The following SLC35F5 variants were observed in gnomAD, a reference collection of about 807,000 sequenced individuals.
SLC35F5 encodes HCV NS5A-transactivated protein 3.
A neutral mutation model predicts 68.6 loss-of-function variants in SLC35F5; 54 were observed. That is an observed-to-expected ratio of 0.79 (90% confidence interval 0.63 to 0.99). The LOEUF (loss-of-function observed/expected upper bound fraction) is 0.99. SLC35F5 is among the 50% of genes least tolerant of loss of function. The probability of loss-of-function intolerance (pLI) is 0.00; values close to 1 mark genes in which losing one functional copy is unlikely to be tolerated. For synonymous variants in SLC35F5, 211 were observed against 205.2 expected (o/e 1.03, Z -0.24); for missense variants, 567 against 626.9 (o/e 0.90, Z 1.02).
chr2:113,739,228 T>C (rs1370670205), intron 7 of SLC35F5, among the ~76,000 whole-genome samples: 3 of 151,204 alleles, frequency 2.0e-5, no homozygotes, highest in Admixed American at 6.6e-5. Context: ...GGCATAGCAT[T>C]TGGATACAAC....
At chr2:113,742,360 A>G (rs192679553) in intron 7 of SLC35F5, 1 of 385,272 alleles carries the variant, frequency 2.6e-6, no homozygotes, top group East Asian at 4.1e-5. Context: ...GTATATACAT[A>G]TATCACAGTG....
intron 11 of SLC35F5, among the ~76,000 whole-genome samples, chr2:113,728,836 G>A (rs932684549): frequency 4.6e-5 from 7 of 152,176 alleles, no homozygotes; most frequent in Non-Finnish European, 7.3e-5. Context: ...CTGATGTCAG[G>A]CAAAGGAAAA....
At chr2:113,738,616 G>C (rs1322391901) in intron 7 of SLC35F5, among the ~76,000 whole-genome samples, 1 of 150,492 alleles carries the variant, frequency 6.6e-6, no homozygotes, top group Admixed American at 6.6e-5. Context: ...TGTAGTAAGA[G>C]ATATTCTTGA....
chr2:113,725,582 T>A, intron 11 of SLC35F5, 45 bp from the exon 12 acceptor site: 1 of 1,491,282 alleles, frequency 6.7e-7, no homozygotes, highest in Non-Finnish European at 9.0e-7. Flanking sequence ...GATTTATTTC[T>A]ATTTTCCAAG....
chr2:113,730,862 A>T (rs1424970112), intron 10 of SLC35F5, among the ~76,000 whole-genome samples: 7 of 152,232 alleles, frequency 4.6e-5, no homozygotes, highest in Non-Finnish European at 8.8e-5. Context: ...TGAAGATATG[A>T]CAGCAACAGG....
intron 3 of SLC35F5, 48 bp downstream of exon 3, chr2:113,755,117 A>T: frequency 1.3e-6 from 2 of 1,589,114 alleles, no homozygotes; most frequent in Non-Finnish European, 1.7e-6. Flanking sequence ...GTTAAGAGTT[A>T]ACATTGTGGC....
At chr2:113,733,098 T>A (rs557192294) in intron 9 of SLC35F5, among the ~76,000 whole-genome samples, 1 of 152,182 alleles carries the variant, frequency 6.6e-6, no homozygotes, top group East Asian at 1.9e-4. Flanking sequence ...TAAGAACATA[T>A]ACTTACTCAA....
At chr2:113,735,631 T>A in intron 8 of SLC35F5, 146 bp downstream of exon 8, 1 of 520,080 alleles carries the variant, frequency 1.9e-6, no homozygotes, top group East Asian at 3.3e-5. Flanking sequence ...TGTATACAGA[T>A]TAAAAGGCAG....
At chr2:113,741,090 A>T (rs1380164889) in intron 7 of SLC35F5, among the ~76,000 whole-genome samples, 2 of 152,272 alleles carry the variant, frequency 1.3e-5, no homozygotes, top group Non-Finnish European at 2.9e-5. Context: ...ATGAAATATT[A>T]TTCTGCCTTC....
At chr2:113,729,125 A>T (rs1687783149) in intron 11 of SLC35F5, among the ~76,000 whole-genome samples, 2 of 152,226 alleles carry the variant, frequency 1.3e-5, no homozygotes, top group African/African-American at 4.8e-5. Context: ...TCAGTGAGAT[A>T]AATATCTGAC....
Position 113,746,312 on chromosome 2 carries a change from C to G in SLC35F5, c.445G>C (p.Ala149Pro), listed in dbSNP as rs376438996. ...TTCATAGTTGTATCTGTTGTGCAAG[C>G]AGCAAAGTAACCTTCAGCATCTGCA... is the stretch of plus-strand genomic sequence containing the variant. ...FFADAEGYFA[A>P]CTTDTTMNSS... Residue 149 changes from alanine (A) to proline (P), a missense_variant, in exon 5 of 16, where the codon GCT becomes CCT. Transcript: ENST00000245680. 22 of 1,613,380 alleles carry G rather than the reference C, an allele frequency of 1.4e-5. No individual in the cohort carries two copies. In the African/African-American group the frequency reaches 2.5e-4, roughly 19 times the overall value.
In SLC35F5 at chr2:113,710,680, G is replaced by A. The variant is rs1048917117; in HGVS notation, c.*4538C>T. Among the ~76,000 whole-genome samples the A allele has an allele frequency of 6.6e-6, 1 of 152,048 alleles. No individual in the cohort carries two copies. Among genetic ancestry groups the A allele is most frequent in the African/African-American group, 2.4e-5 (1 of 41,386 alleles). On this transcript the variant is annotated 3_prime_UTR_variant, in exon 16 of 16. Coordinates refer to ENST00000245680, the MANE Select transcript of SLC35F5 (RefSeq NM_025181.5). ...AGTCCCAACTACTCAGGAGACTGAG[G>A]TGGGAGGATGGCTTGAGCTTGGGAG... is the stretch of plus-strand genomic sequence containing the variant.
chr2:113,725,500 T>C lies in SLC35F5; in HGVS notation c.1128A>G (p.Pro376=), dbSNP rs1351349323. 4 of 1,598,900 alleles carry C rather than the reference T, an allele frequency of 2.5e-6. No individual in the cohort carries two copies. The highest frequency in any genetic ancestry group is 2.3e-5 in the South Asian group (2 of 87,452). The change falls in exon 12 of 16, where the codon CCA becomes CCG. Residue 376 remains proline (P), a synonymous_variant. Coordinates refer to ENST00000245680, the MANE Select transcript of SLC35F5 (RefSeq NM_025181.5). ...VGLFNLLLLW[P]GFFLLHYTGF... is the part of the protein sequence containing the mutation. ...CAGTATAATGAAGTAAAAAGAAACC[T>C]GGCCATAAGAGCAGCAGATTAAACA... is the stretch of plus-strand genomic sequence containing the variant.
chr2:113,744,053 A>G (rs1037095888), intron 5 of SLC35F5, among the ~76,000 whole-genome samples: 1 of 152,250 alleles, frequency 6.6e-6, no homozygotes, highest in Non-Finnish European at 1.5e-5. Context: ...TTTAAATGTC[A>G]TAAAAACATA....
intron 6 of SLC35F5, 78 bp downstream of exon 6, chr2:113,743,635 G>T: frequency 8.7e-7 from 1 of 1,145,378 alleles, no homozygotes; most frequent in African/African-American, 1.5e-5. Context: ...ACATGTTTCA[G>T]TCAACCCACA....
chr2:113,715,401 C>A (rs1368395925), intron 15 of SLC35F5, among the ~76,000 whole-genome samples: 2 of 152,188 alleles, frequency 1.3e-5, no homozygotes, highest in Non-Finnish European at 2.9e-5. Context: ...GACATCAACA[C>A]TAAAGACTGT....
intron 1 of SLC35F5, 113 bp downstream of exon 1, chr2:113,756,257 G>C: frequency 6.5e-7 from 1 of 1,539,748 alleles, no homozygotes; most frequent in Non-Finnish European, 8.7e-7. Flanking sequence ...AGACCTTCAC[G>C]GTTTCGGTCA....
Position 113,755,519 on chromosome 2 carries a change from A to G in SLC35F5, c.66T>C (p.Phe22=), listed in dbSNP as rs755230058. Residue 22 remains phenylalanine, a synonymous_variant, in exon 2 of 16, where the codon TTT becomes TTC. Transcript: ENST00000245680. ...CGGAAAACTTGGCAGATCTCAGTCTAAAAGGAGGTGAAGAACTCAGCACCC... is the reference window on the plus strand; with the variant it reads ...CGGAAAACTTGGCAGATCTCAGTCTGAAAGGAGGTGAAGAACTCAGCACCC... ...RPGVLSSSPP[F]RLRSAKFSGI... The G allele has an allele frequency of 2.5e-6, 4 of 1,613,962 alleles. No individual in the cohort carries two copies. The Admixed American group carries it at 6.7e-5, about 27-fold the overall frequency.
chr2:113,731,504 G>T, intron 10 of SLC35F5, 80 bp downstream of exon 10: 2 of 1,052,042 alleles, frequency 1.9e-6, no homozygotes, highest in African/African-American at 1.6e-5. Flanking sequence ...TACCCTTTGT[G>T]CGTTCATCTG....
Sources: allele counts gnomAD v4.1 joint callset (sites outside exome capture counted in the v4.1 genomes callset), GRCh38; gene constraint gnomAD v4.1.1; transcripts MANE v1.5; gene names NCBI Gene and HGNC (gene_info 2026-07-23, HGNC 2026-07-21).